TRPS1: variants seen among roughly 807,000 people sequenced by gnomAD.
The protein encoded by TRPS1 is zinc finger transcription factor Trps1.
TRPS1 carries 6 observed loss-of-function variants against 101.2 expected under a neutral mutation model. The observed-to-expected ratio is 0.06, with a 90% confidence interval of 0.03 to 0.12. The LOEUF (loss-of-function observed/expected upper bound fraction) is 0.12. Ranked by LOEUF, TRPS1 falls within the 10% of genes least tolerant of loss-of-function variation. The probability of loss-of-function intolerance (pLI) is 1.00; values close to 1 mark genes in which losing one functional copy is unlikely to be tolerated. For missense variants in TRPS1, 1,363 were observed against 1,567.0 expected (o/e 0.87, Z 2.20); for synonymous variants, 578 against 589.8 (o/e 0.98, Z 0.29).
chr8:115,565,413 C>T (rs184748257), intron 5 of TRPS1, among the ~76,000 whole-genome samples: 1 of 151,848 alleles, frequency 6.6e-6, no homozygotes, highest in Non-Finnish European at 1.5e-5. Context: ...TTCATATTGC[C>T]GAGAAGACAT....
At chr8:115,558,375 C>T (rs1169162256) in intron 5 of TRPS1, among the ~76,000 whole-genome samples, 1 of 152,080 alleles carries the variant, frequency 6.6e-6, no homozygotes, top group Non-Finnish European at 1.5e-5. Context: ...AATCAGAAAA[C>T]AAGCCAGTGG....
chr8:115,464,398 A>G (rs1337314058), intron 5 of TRPS1, among the ~76,000 whole-genome samples: 3 of 152,140 alleles, frequency 2.0e-5, no homozygotes, highest in Non-Finnish European at 4.4e-5. Context: ...AAAATTCAGA[A>G]ACTATAATGA....
At chr8:115,486,084 G>T (rs1291196539) in intron 5 of TRPS1, among the ~76,000 whole-genome samples, 2 of 152,164 alleles carry the variant, frequency 1.3e-5, no homozygotes, top group Non-Finnish European at 2.9e-5. Flanking sequence ...CATCCTGCAA[G>T]TCTAAAGGAG....
chr8:115,437,952 T>C lies in TRPS1; in HGVS notation c.2701-19500A>G, dbSNP rs182046680. Among the ~76,000 whole-genome samples the C allele has an allele frequency of 7.9e-5, 12 of 152,318 alleles. No homozygotes were observed. In the East Asian group the frequency reaches 2.3e-3, roughly 29 times the overall value. ...TCCTCTATAAACCAAAGGCATCTTA[T>C]AATCTAGCAAGCGAATCTCATATGT... is the stretch of plus-strand genomic sequence containing the variant. On this transcript the variant is annotated intron_variant, in intron 5 of 6. Transcript: ENST00000395715.
intron 5 of TRPS1, among the ~76,000 whole-genome samples, chr8:115,526,177 T>G (rs964264038): frequency 6.6e-6 from 1 of 151,986 alleles, no homozygotes; most frequent in Non-Finnish European, 1.5e-5. Context: ...GGTGTGGTAG[T>G]GCGTGCCTGT....
At chr8:115,537,354 T>G (rs1294600585) in intron 5 of TRPS1, among the ~76,000 whole-genome samples, 1 of 152,190 alleles carries the variant, frequency 6.6e-6, no homozygotes, top group Non-Finnish European at 1.5e-5. Context: ...TGTTTGAGAA[T>G]GAGAATCAAA....
At chr8:115,479,534 ACAAAACAAAG>A (rs369426339) in intron 5 of TRPS1, among the ~76,000 whole-genome samples, 29 of 152,284 alleles carry the variant, frequency 1.9e-4, no homozygotes, top group African/African-American at 6.3e-4. Flanking sequence ...CACCCACCAA[ACAAAACAAAG>A]CAAAACAAAA....
At position 115,619,249 on chromosome 8, in the gene TRPS1, C is replaced by A. The variant is rs758655788; in HGVS notation, c.849G>T (p.Met283Ile). 6.2e-7 allele frequency: 1 copy of A among 1,613,962 alleles called. No individual in the cohort carries two copies. Among genetic ancestry groups the A allele is most frequent in the Non-Finnish European group, 8.5e-7 (1 of 1,179,896 alleles). ...AGTCTTTGGAATGGCTGAACTGCAC[C>A]ATGTTATGAAGGGCCAAGATTTTGC... ...LDSKILALHN[M>I]VQFSHSKDFQ... The change falls in exon 3 of 7, where the codon ATG (methionine) becomes ATT (isoleucine). Residue 283 changes from methionine (M) to isoleucine (I), a missense_variant. Physicochemically the swap from Met to Ile is conservative, Grantham distance 10. This residue lies in a region of TRPS1 where 1,020 missense variants were observed against 1,073.0 expected (regional missense o/e 0.95). Transcript: ENST00000395715.
intron 5 of TRPS1, 137 bp downstream of exon 5, chr8:115,586,864 T>C: frequency 6.7e-7 from 1 of 1,490,280 alleles, no homozygotes; most frequent in Non-Finnish European, 9.1e-7. Flanking sequence ...ACTTTGGCCT[T>C]AGGAGTATAA....
At chr8:115,443,281 G>T (rs1403866710) in intron 5 of TRPS1, among the ~76,000 whole-genome samples, 3 of 151,990 alleles carry the variant, frequency 2.0e-5, no homozygotes, top group Admixed American at 6.6e-5. Context: ...GAAAAGAAAA[G>T]AAGTGGGTGA....
In TRPS1 at chr8:115,409,313, C is replaced by A. The variant is rs530501087; in HGVS notation, c.*4710G>T. 2.9e-5 allele frequency: 4 copies of A among 137,432 alleles called. No homozygotes were observed. Among genetic ancestry groups the A allele is most frequent in the African/African-American group, 1.1e-4 (4 of 36,934 alleles). 8.5% of individuals were successfully genotyped at this position (137,432 alleles called of 1,614,324 possible). A position where few individuals can be genotyped will look rare whatever the true frequency, so the allele number is the denominator to read the frequency against. The stretch of plus-strand genomic sequence containing the variant: ...AAAACCAGAATTGAGTTTTGGGACT[C>A]TATGCTCTAGAAGGACAATTTTCTC... On this transcript the variant is annotated 3_prime_UTR_variant, in exon 7 of 7. Coordinates refer to ENST00000395715, the MANE Select transcript of TRPS1 (RefSeq NM_014112.5).
intron 5 of TRPS1, among the ~76,000 whole-genome samples, chr8:115,542,065 A>G (rs753829953): frequency 6.6e-6 from 1 of 152,206 alleles, no homozygotes; most frequent in Non-Finnish European, 1.5e-5. Flanking sequence ...AGAGAAATGC[A>G]AGATATGGAA....
rs1041502098 is a variant in TRPS1, at chr8:115,657,682, T to C, written c.-122+10863A>G. ...TATAAACTTGGAATAGAGAGTTTGGTGGAAGTACTGCATAACTAAAATTGA... is the reference window on the plus strand; with the variant it reads ...TATAAACTTGGAATAGAGAGTTTGGCGGAAGTACTGCATAACTAAAATTGA... On this transcript the variant is annotated intron_variant, in intron 1 of 6. Transcript: ENST00000395715. Among the ~76,000 whole-genome samples the C allele has an allele frequency of 3.9e-5, 6 of 152,222 alleles. 1 individual carries two copies. The highest frequency in any genetic ancestry group is 6.8e-3 in the Middle Eastern group (2 of 294).
At chr8:115,527,984 A>G (rs1255156011) in intron 5 of TRPS1, among the ~76,000 whole-genome samples, 4 of 152,112 alleles carry the variant, frequency 2.6e-5, no homozygotes, top group Non-Finnish European at 4.4e-5. Context: ...GTAAAACCGG[A>G]AAGATCAAAG....
At chr8:115,438,063 C>T (rs1275980216) in intron 5 of TRPS1, among the ~76,000 whole-genome samples, 1 of 152,076 alleles carries the variant, frequency 6.6e-6, no homozygotes, top group Admixed American at 6.6e-5. Flanking sequence ...ACCATCAACA[C>T]ATACACAAGA....
At chr8:115,618,057 G>A (rs1053334082) in intron 3 of TRPS1, among the ~76,000 whole-genome samples, 2 of 152,048 alleles carry the variant, frequency 1.3e-5, no homozygotes, top group Non-Finnish European at 1.5e-5. Flanking sequence ...TTTCTTAATT[G>A]GTATTAGGTC....
At chr8:115,625,820 T>C (rs1020474739) in intron 1 of TRPS1, among the ~76,000 whole-genome samples, 2 of 151,906 alleles carry the variant, frequency 1.3e-5, no homozygotes, top group Admixed American at 6.6e-5. Context: ...GATCCTGTAA[T>C]TGGACCTCAG....
At chr8:115,633,150 G>A (rs16887585) in intron 1 of TRPS1, among the ~76,000 whole-genome samples, 5,239 of 152,140 alleles carry the variant, frequency 0.034, 319 homozygotes, top group African/African-American at 0.12. Context: ...GGGAGAAAGG[G>A]CCAGGATGTG....
Position 115,587,059 on chromosome 8 carries a change from T to C in TRPS1, c.2642A>G (p.Gln881Arg). Reference protein sequence around the residue: ...AGGEKSGALPQQYPASGENKS... With the variant: ...AGGEKSGALPRQYPASGENKS... Reference sequence around the variant, plus strand: ...GTTTTCTCCCGATGCAGGATACTGCTGGGGGAGGGCCCCAGACTTCTCTCC... The same window carrying C: ...GTTTTCTCCCGATGCAGGATACTGCCGGGGGAGGGCCCCAGACTTCTCTCC... Residue 881 changes from glutamine to arginine, a missense_variant, in exon 5 of 7, where the codon CAG (glutamine) becomes CGG (arginine). By Grantham distance (43) the Gln-to-Arg change is conservative. This residue lies in a region of TRPS1 where 1,020 missense variants were observed against 1,073.0 expected (regional missense o/e 0.95). Transcript: ENST00000395715. 1 of 1,614,184 alleles carries C rather than the reference T, an allele frequency of 6.2e-7. No homozygotes were observed. The highest frequency in any genetic ancestry group is 8.5e-7 in the Non-Finnish European group (1 of 1,180,026).
Sources: allele counts gnomAD v4.1 joint callset (sites outside exome capture counted in the v4.1 genomes callset), GRCh38; gene constraint gnomAD v4.1.1; regional missense constraint gnomAD v4.1.1; transcripts MANE v1.5; gene names NCBI Gene and HGNC (gene_info 2026-07-23, HGNC 2026-07-21).